Variants in PMFBP1 observed in about 807,000 individuals in gnomAD.
The protein encoded by PMFBP1 is polyamine modulated factor 1 binding protein 1.
A neutral mutation model predicts 137.8 loss-of-function variants in PMFBP1; 131 were observed. The ratio of observed to expected loss-of-function variants is 0.95; its 90% CI spans 0.82 to 1.10. The LOEUF is 1.10. Among genes scored for constraint, PMFBP1 ranks in the 50% least tolerant of loss-of-function variants. PMFBP1 has a pLI of 0.00. For synonymous variants in PMFBP1, 490 were observed against 450.4 expected (o/e 1.09, Z -1.11); for missense variants, 1,199 against 1,175.4 (o/e 1.02, Z -0.29).
At chr16:72,121,388 C>G (rs1201630756) in intron 19 of PMFBP1, among the ~76,000 whole-genome samples, 1 of 152,160 alleles carries the variant, frequency 6.6e-6, no homozygotes, top group Non-Finnish European at 1.5e-5. Context: ...CTTCAATATC[C>G]CATACAGCTC....
intron 5 of PMFBP1, among the ~76,000 whole-genome samples, chr16:72,140,928 CT>C (rs35908141): frequency 5.8e-3 from 407 of 69,748 alleles, no homozygotes; most frequent in African/African-American, 0.021. Flanking sequence ...ACAAATGAGT[CT>C]TTTTTTTTTT....
the PMFBP1 span, among the ~76,000 whole-genome samples, chr16:72,228,821 T>C: frequency 6.6e-6 from 1 of 151,242 alleles, no homozygotes; most frequent in Non-Finnish European, 1.5e-5. Flanking sequence ...TTTTCTTGTA[T>C]ACTCTTTATA....
At chr16:72,174,605 T>C (rs2043250363), upstream of PMFBP1, among the ~76,000 whole-genome samples, 1 of 152,226 alleles carries the variant, frequency 6.6e-6, no homozygotes, top group South Asian at 2.1e-4. Context: ...GGGTAATTTA[T>C]AAAGAAAAGA....
intron 8 of PMFBP1, 33 bp from the exon 9 acceptor site, chr16:72,136,638 G>A (rs1314589711): frequency 1.2e-6 from 2 of 1,614,028 alleles, no homozygotes; most frequent in South Asian, 2.2e-5. Context: ...CTATGCTCAG[G>A]GGAGAGTTAG....
chr16:72,162,365 G>A lies in PMFBP1; in HGVS notation c.165+2399C>T, dbSNP rs531705952. On this transcript the variant is annotated intron_variant, in intron 3 of 20. Transcript: ENST00000237353. ...TAGTTTTGATTTGCAAGGTCATGCC[G>A]TTTTCTTTTCTATCACTTGCCCCTT... Among the ~76,000 whole-genome samples the A allele has an allele frequency of 1.5e-4, 23 of 152,242 alleles. No homozygotes were observed. The East Asian group carries it at 1.5e-3, about 10-fold the overall frequency.
chr16:72,229,191 T>TA, the PMFBP1 span, among the ~76,000 whole-genome samples: 1 of 152,200 alleles, frequency 6.6e-6, no homozygotes, highest in Non-Finnish European at 1.5e-5. Flanking sequence ...ATCTCATTCT[T>TA]ATTTACGGCT....
intron 3 of PMFBP1, among the ~76,000 whole-genome samples, chr16:72,155,235 T>C (rs911337957): frequency 7.9e-5 from 12 of 152,144 alleles, no homozygotes; most frequent in Non-Finnish European, 1.5e-5. Flanking sequence ...TTTTCCAGCA[T>C]CCCTTATGAC....
In PMFBP1 at chr16:72,119,952, T is replaced by C. The variant is rs2042351965; in HGVS notation, c.2906A>G (p.Gln969Arg). ...CAAGGTGCCGCACACTTTCTCCCTC[T>C]GTGTGGACTCCGTTCTGCTCGGGCC... The part of the protein sequence containing the change: ...ALGPSRTEST[Q>R]REKVCGTLGW... The change falls in exon 20 of 21, where the codon CAG (glutamine) becomes CGG (arginine). Residue 969 changes from glutamine (Q) to arginine (R), a missense_variant. By Grantham distance (43) the Gln-to-Arg change is conservative. Transcript: ENST00000237353. 2 of 1,614,222 alleles carry C rather than the reference T, an allele frequency of 1.2e-6. No individual in the cohort carries two copies. Among genetic ancestry groups the C allele is most frequent in the Middle Eastern group, 1.6e-4 (1 of 6,062 alleles).
intron 3 of PMFBP1, 140 bp from the exon 4 acceptor site, chr16:72,154,599 T>A: frequency 9.9e-7 from 1 of 1,010,320 alleles, no homozygotes; most frequent in Non-Finnish European, 1.4e-6. Context: ...GAGATCTTAT[T>A]AAACATTTCA....
At chr16:72,163,293 G>A (rs981257156) in intron 3 of PMFBP1, among the ~76,000 whole-genome samples, 1 of 152,238 alleles carries the variant, frequency 6.6e-6, no homozygotes. Flanking sequence ...ATATCTCCCA[G>A]ATGGCTCCCC....
chr16:72,212,242 G>C, the PMFBP1 span, among the ~76,000 whole-genome samples: 1 of 151,874 alleles, frequency 6.6e-6, no homozygotes, highest in East Asian at 1.9e-4. Context: ...AAAGGACTAC[G>C]GGGAGTCTGA....
intron 3 of PMFBP1, among the ~76,000 whole-genome samples, chr16:72,157,905 T>TA (rs2043006511): frequency 6.6e-6 from 1 of 152,164 alleles, no homozygotes; most frequent in Non-Finnish European, 1.5e-5. Flanking sequence ...GCTGCTGGGT[T>TA]ACAGGTTAGA....
chr16:72,196,722 ATC>A, the PMFBP1 span, among the ~76,000 whole-genome samples: 1 of 152,196 alleles, frequency 6.6e-6, no homozygotes, highest in Non-Finnish European at 1.5e-5. Context: ...CCACTGGGGA[ATC>A]TCCAGGACCA....
chr16:72,171,191 C>T lies in PMFBP1; in HGVS notation c.12+6G>A. The T allele has an allele frequency of 6.2e-7, 1 of 1,613,670 alleles. No homozygotes were observed. The highest frequency in any genetic ancestry group is 1.3e-5 in the African/African-American group (1 of 74,984). ...TCCATGCATGTAGAGGAGTTAGGAG[C>T]CTTACCTCATCTTTCATTTCCTTGG... On this transcript the variant is annotated splice_donor_region_variant and intron_variant, in intron 2 of 20. Coordinates refer to ENST00000237353, the MANE Select transcript of PMFBP1 (RefSeq NM_031293.3).
At chr16:72,154,784 C>T (rs12928732) in intron 3 of PMFBP1, among the ~76,000 whole-genome samples, 43,129 of 151,958 alleles carry the variant, frequency 0.28, 6,409 homozygotes, top group South Asian at 0.38. Flanking sequence ...GTTGCCTTCC[C>T]ATATAAAGAT....
chr16:72,170,103 C>A (rs1433961083), intron 2 of PMFBP1, among the ~76,000 whole-genome samples: 1 of 151,940 alleles, frequency 6.6e-6, no homozygotes, highest in Non-Finnish European at 1.5e-5. Context: ...GAGTAGAGAT[C>A]TTTGTCTATT....
chr16:72,182,348 G>A, the PMFBP1 span, among the ~76,000 whole-genome samples: 6 of 151,980 alleles, frequency 3.9e-5, no homozygotes, highest in African/African-American at 1.5e-4. Context: ...ATACAAAAGT[G>A]AGCCAGGCAT....
intron 5 of PMFBP1, among the ~76,000 whole-genome samples, chr16:72,144,551 C>T (rs2042775601): frequency 1.3e-5 from 2 of 151,994 alleles, no homozygotes; most frequent in African/African-American, 2.4e-5. Context: ...TTTGAGGCCA[C>T]TGGATATTTA....
At chr16:72,225,029 T>C in the PMFBP1 span, 1 of 152,222 alleles carries the variant, frequency 6.6e-6, no homozygotes, top group Non-Finnish European at 1.5e-5. Context: ...CTATCTTTAA[T>C]AATGAAGAAT....
Sources: gnomAD v4.1 joint callset for allele counts (sites outside exome capture counted in the v4.1 genomes callset) on GRCh38, gnomAD v4.1.1 for gene constraint, MANE v1.5 for transcripts, NCBI Gene and HGNC (gene_info 2026-07-23, HGNC 2026-07-21) for gene names.